CORIN: variants seen among roughly 807,000 people sequenced by gnomAD.
CORIN encodes atrial natriuretic peptide-converting enzyme.
CORIN carries 117 observed loss-of-function variants against 125.3 expected under a neutral mutation model. That is an observed-to-expected ratio of 0.93 (90% CI 0.80 to 1.09). CORIN has a LOEUF of 1.09. Ranked by LOEUF, CORIN falls within the 50% of genes least tolerant of loss-of-function variation. CORIN has a pLI of 0.00. For missense variants in CORIN, 1,253 were observed against 1,306.7 expected (o/e 0.96, Z 0.63); for synonymous variants, 450 against 466.4 (o/e 0.96, Z 0.45).
intron 5 of CORIN, among the ~76,000 whole-genome samples, chr4:47,715,380 C>A (rs970809645): frequency 6.6e-6 from 1 of 152,126 alleles, no homozygotes; most frequent in African/African-American, 2.4e-5. Context: ...CAGAGGCAGG[C>A]GGATTGCCTA....
chr4:47,746,853 T>C (rs571268451), intron 4 of CORIN, among the ~76,000 whole-genome samples: 1 of 152,158 alleles, frequency 6.6e-6, no homozygotes, highest in African/African-American at 2.4e-5. Context: ...AATCTTGATA[T>C]GCACTTTGTG....
chr4:47,620,643 A>G (rs1722269192), intron 19 of CORIN, among the ~76,000 whole-genome samples: 1 of 152,270 alleles, frequency 6.6e-6, no homozygotes, highest in East Asian at 1.9e-4. Flanking sequence ...AAAAATACTC[A>G]TGCCATAATG....
chr4:47,669,558 T>C (rs971702999), intron 10 of CORIN, among the ~76,000 whole-genome samples: 2 of 150,648 alleles, frequency 1.3e-5, no homozygotes, highest in Admixed American at 6.6e-5. Context: ...CTCTTCTATA[T>C]ATATATATAT....
At chr4:47,643,048 T>C (rs919808460) in intron 15 of CORIN, 98 bp downstream of exon 15, 18 of 1,586,210 alleles carry the variant, frequency 1.1e-5, no homozygotes, top group Non-Finnish European at 1.5e-5. Flanking sequence ...ATAGATGAAC[T>C]TGGTCAGTAA....
At chr4:47,744,660 T>C in intron 4 of CORIN, 77 bp from the exon 5 acceptor site, 1 of 1,356,198 alleles carries the variant, frequency 7.4e-7, no homozygotes, top group Non-Finnish European at 1.0e-6. Flanking sequence ...AAATTAAAGT[T>C]AGCCCCTGTG....
chr4:47,601,267 T>C (rs1342549938), intron 20 of CORIN, among the ~76,000 whole-genome samples: 3 of 152,144 alleles, frequency 2.0e-5, no homozygotes, highest in South Asian at 2.1e-4. Context: ...TATAGTAAGC[T>C]TGAAAGTTAT....
chr4:47,737,535 C>T (rs755927009), intron 5 of CORIN, among the ~76,000 whole-genome samples: 1 of 152,184 alleles, frequency 6.6e-6, no homozygotes, highest in Non-Finnish European at 1.5e-5. Context: ...TGAGATAACT[C>T]TTGTAGGCTT....
chr4:47,690,169 A>G (rs1292111267), intron 6 of CORIN, among the ~76,000 whole-genome samples: 2 of 152,130 alleles, frequency 1.3e-5, no homozygotes, highest in African/African-American at 4.8e-5. Context: ...CAGTTAAAAC[A>G]TTTTCCTGCA....
intron 12 of CORIN, among the ~76,000 whole-genome samples, chr4:47,655,904 A>G (rs1165425391): frequency 6.6e-6 from 1 of 151,918 alleles, no homozygotes; most frequent in Non-Finnish European, 1.5e-5. Flanking sequence ...ACTTTGCCAA[A>G]TATTTAAAGA....
chr4:47,678,145 C>T (rs926653009), intron 8 of CORIN, 91 bp from the exon 9 acceptor site: 49 of 874,174 alleles, frequency 5.6e-5, no homozygotes, highest in South Asian at 2.4e-4. Context: ...TATCAAGCAT[C>T]GCTAAGAAAC....
At chr4:47,720,558 A>C (rs1444105710) in intron 5 of CORIN, among the ~76,000 whole-genome samples, 2 of 152,244 alleles carry the variant, frequency 1.3e-5, no homozygotes, top group Non-Finnish European at 2.9e-5. Flanking sequence ...GTTAGTGAAT[A>C]GTATTTGCTT....
At chr4:47,815,311 A>ATT (rs199793420) in intron 1 of CORIN, among the ~76,000 whole-genome samples, 5 of 147,100 alleles carry the variant, frequency 3.4e-5, no homozygotes, top group African/African-American at 9.9e-5. Flanking sequence ...AAGAGTCCTG[A>ATT]TTTTTTTTTA....
At chr4:47,706,267 A>C in intron 5 of CORIN, 1 of 739,832 alleles carries the variant, frequency 1.4e-6, no homozygotes, top group Non-Finnish European at 2.2e-6. Flanking sequence ...AGTTCTTCCG[A>C]AATTTGTTGG....
intron 6 of CORIN, among the ~76,000 whole-genome samples, chr4:47,685,196 T>C (rs1264239939): frequency 6.6e-6 from 1 of 152,096 alleles, no homozygotes; most frequent in East Asian, 1.9e-4. Flanking sequence ...TAAACATATA[T>C]CCACATGAAG....
chr4:47,670,722 C>A, intron 10 of CORIN, among the ~76,000 whole-genome samples: 1 of 152,254 alleles, frequency 6.6e-6, no homozygotes, highest in South Asian at 2.1e-4. Flanking sequence ...TTTGCAGGTT[C>A]TCCCCATTGT....
chr4:47,725,842 T>C (rs1003964418), intron 5 of CORIN, among the ~76,000 whole-genome samples: 1 of 151,946 alleles, frequency 6.6e-6, no homozygotes. Context: ...CCAAATCATA[T>C]ATTGAACAAA....
At chr4:47,830,107 TCTAAAATAGGCA>T (rs1303249380) in intron 1 of CORIN, among the ~76,000 whole-genome samples, 3 of 152,152 alleles carry the variant, frequency 2.0e-5, no homozygotes, top group Non-Finnish European at 4.4e-5. Flanking sequence ...AGAATAAGGC[TCTAAAATAGGCA>T]CATGAAGATG....
chr4:47,717,137 C>T (rs953510835), intron 5 of CORIN, among the ~76,000 whole-genome samples: 1 of 152,150 alleles, frequency 6.6e-6, no homozygotes, highest in African/African-American at 2.4e-5. Context: ...TATGTTAAAA[C>T]TCAAAAATCT....
rs1217315893 is a variant in CORIN, at chr4:47,683,713, G to A, written c.1021+18C>T. 19 of 1,551,718 alleles carry A rather than the reference G, an allele frequency of 1.2e-5. No homozygotes were observed. In the East Asian group the frequency reaches 4.0e-4, roughly 33 times the overall value. ...TATGATTTTAAATTAAAACCTTTGG[G>A]GAAACAATGCTACTTACCACAGTTT... On this transcript the variant is annotated intron_variant, in intron 7 of 21. Transcript: ENST00000273857.
Sources: gnomAD v4.1 joint callset for allele counts (sites outside exome capture counted in the v4.1 genomes callset) on GRCh38, gnomAD v4.1.1 for gene constraint, MANE v1.5 for transcripts, NCBI Gene and HGNC (gene_info 2026-07-23, HGNC 2026-07-21) for gene names.